Variants in GALNT18 observed in about 807,000 individuals in gnomAD.
The protein encoded by GALNT18 is GalNAc-transferase 18.
A neutral mutation model predicts 69.5 loss-of-function variants in GALNT18; 44 were observed. The ratio of observed to expected loss-of-function variants is 0.63; its 90% CI spans 0.50 to 0.81. GALNT18 has a LOEUF of 0.81. GALNT18 is among the 40% of genes least tolerant of loss of function. The probability of loss-of-function intolerance (pLI) is 0.00; values close to 1 mark genes in which losing one functional copy is unlikely to be tolerated. For synonymous variants in GALNT18, 364 were observed against 318.2 expected (o/e 1.14, Z -1.53); for missense variants, 715 against 810.0 (o/e 0.88, Z 1.42).
intron 3 of GALNT18, among the ~76,000 whole-genome samples, chr11:11,391,688 G>A (rs72856660): frequency 0.14 from 20,696 of 152,232 alleles, 1,490 homozygotes; most frequent in Middle Eastern, 0.18. Context: ...TAGGAAGAGG[G>A]GGCCAGGGTA....
At chr11:11,310,175 C>T (rs1009985433) in intron 9 of GALNT18, among the ~76,000 whole-genome samples, 2 of 152,140 alleles carry the variant, frequency 1.3e-5, no homozygotes, top group Non-Finnish European at 2.9e-5. Context: ...ATTCCACAAC[C>T]AAGGCACGCA....
chr11:11,590,375 C>A lies in GALNT18; in HGVS notation c.235+30984G>T, dbSNP rs1245297228. Among the ~76,000 whole-genome samples, 7 of 152,214 alleles carry A rather than the reference C, an allele frequency of 4.6e-5. No individual in the cohort carries two copies. Among genetic ancestry groups the A allele is most frequent in the Admixed American group, 4.6e-4 (7 of 15,286 alleles). On this transcript the variant is annotated intron_variant, in intron 1 of 10. Coordinates refer to ENST00000227756, the MANE Select transcript of GALNT18 (RefSeq NM_198516.3). This position sits in a 1 kb window ranked among gnomAD's most constrained non-coding sequence, Gnocchi z 4.4. The stretch of plus-strand genomic sequence containing the variant: ...GGATGGAAGGAAGGCTGCAGGCCCA[C>A]AAGGAACTTCCACATTGCTTGTTGG...
chr11:11,489,648 A>T (rs1272902378), intron 1 of GALNT18, among the ~76,000 whole-genome samples: 1 of 152,148 alleles, frequency 6.6e-6, no homozygotes, highest in Admixed American at 6.5e-5. Context: ...AATGTTCTTA[A>T]TTTCTCTGTG....
intron 1 of GALNT18, among the ~76,000 whole-genome samples, chr11:11,507,429 C>G (rs547991930): frequency 5.0e-4 from 76 of 152,268 alleles, no homozygotes; most frequent in African/African-American, 1.8e-3. Flanking sequence ...TTTTCCTCCT[C>G]CTTCTCTTCT....
intron 9 of GALNT18, among the ~76,000 whole-genome samples, chr11:11,293,717 T>C (rs1849348712): frequency 6.6e-6 from 1 of 152,014 alleles, no homozygotes; most frequent in Admixed American, 6.5e-5. Flanking sequence ...AATTTTTGTA[T>C]TTTTAGTAGA....
chr11:11,325,751 C>T (rs1590038554), intron 9 of GALNT18, among the ~76,000 whole-genome samples: 1 of 152,110 alleles, frequency 6.6e-6, no homozygotes, highest in East Asian at 1.9e-4. Flanking sequence ...ATTAAAAATG[C>T]CACACCATTG....
At chr11:11,335,050 T>C (rs4910321) in intron 7 of GALNT18, among the ~76,000 whole-genome samples, 137,063 of 152,246 alleles carry the variant, frequency 0.9, 62,085 homozygotes, top group East Asian at 1. Context: ...GTTATAATTG[T>C]CTTTATGTGA....
At chr11:11,407,366 G>A (rs956682758) in intron 3 of GALNT18, among the ~76,000 whole-genome samples, 2 of 152,184 alleles carry the variant, frequency 1.3e-5, no homozygotes, top group African/African-American at 4.8e-5. Flanking sequence ...TTCCCTTGAG[G>A]AAACAGACCA....
At chr11:11,513,484 C>A (rs2133916969) in intron 1 of GALNT18, among the ~76,000 whole-genome samples, 1 of 152,208 alleles carries the variant, frequency 6.6e-6, no homozygotes, top group East Asian at 1.9e-4. Flanking sequence ...CCTTCCACAT[C>A]CCACAAGAAG....
At position 11,494,638 on chromosome 11, in the gene GALNT18, C is replaced by T. The variant is rs563138245; in HGVS notation, c.236-45702G>A. Reference sequence around the variant, plus strand: ...GCTATCTGCCACACATGAATTTCTACACAGCCTCAGCCTTTTTTGCTTTTA... The same window carrying T: ...GCTATCTGCCACACATGAATTTCTATACAGCCTCAGCCTTTTTTGCTTTTA... On this transcript the variant is annotated intron_variant, in intron 1 of 10. Coordinates refer to ENST00000227756, the MANE Select transcript of GALNT18 (RefSeq NM_198516.3). This position sits in a 1 kb window ranked among gnomAD's most constrained non-coding sequence, Gnocchi z 5.7. 2.0e-5 allele frequency among the ~76,000 whole-genome samples: 3 copies of T among 152,340 alleles called. No individual in the cohort carries two copies. The highest frequency in any genetic ancestry group is 6.5e-5 in the Admixed American group (1 of 15,304).
At chr11:11,472,456 G>C (rs7941119) in intron 1 of GALNT18, among the ~76,000 whole-genome samples, 94,488 of 152,044 alleles carry the variant, frequency 0.62, 29,638 homozygotes, top group African/African-American at 0.68. Context: ...GAGGGAGGCA[G>C]AGAATACACT....
In GALNT18 at chr11:11,274,792, C is replaced by T. The variant is rs576836712; in HGVS notation, c.1678-3502G>A. Among the ~76,000 whole-genome samples the T allele has an allele frequency of 5.9e-5, 9 of 152,298 alleles. No individual in the cohort carries two copies. In the South Asian group the frequency reaches 1.5e-3, roughly 25 times the overall value. On this transcript the variant is annotated intron_variant, in intron 10 of 10. Coordinates refer to ENST00000227756, the MANE Select transcript of GALNT18 (RefSeq NM_198516.3). ...TCCAACTCCCACTTATGAGTGAGAA[C>T]ACGTGGTGTTTGGTTTTCTGTTCTT...
At chr11:11,498,643 C>A (rs897880697) in intron 1 of GALNT18, among the ~76,000 whole-genome samples, 6 of 152,050 alleles carry the variant, frequency 3.9e-5, no homozygotes, top group African/African-American at 7.2e-5. Flanking sequence ...TACTAAAATA[C>A]AAAAAATCAG....
chr11:11,274,191 A>G (rs1848887402), intron 10 of GALNT18, among the ~76,000 whole-genome samples: 1 of 152,224 alleles, frequency 6.6e-6, no homozygotes, highest in African/African-American at 2.4e-5. Flanking sequence ...TGCAACTGGC[A>G]GACCAGGACC....
Position 11,340,883 on chromosome 11 carries a change from A to G in GALNT18, c.1214T>C (p.Val405Ala). The G allele has an allele frequency of 6.2e-7, 1 of 1,613,930 alleles. No homozygotes were observed. Among genetic ancestry groups the G allele is most frequent in the South Asian group, 1.1e-5 (1 of 91,018 alleles). ...AAATTCATCCATCCAGACTTCAGCC[A>G]CCCTGAGAGCGTTCCTGCGGACATG... Reference protein sequence around the residue: ...TAHVRRNALRVAEVWMDEFKS... With the variant: ...TAHVRRNALRAAEVWMDEFKS... The change falls in exon 7 of 11, where the codon GTG becomes GCG. Residue 405 changes from valine to alanine, a missense_variant. Physicochemically the swap from Val to Ala is moderately conservative, Grantham distance 64 (BLOSUM62 0). Transcript: ENST00000227756. The surrounding 1 kb of genome is among the most constrained non-coding windows in gnomAD (Gnocchi z 4.2).
chr11:11,464,986 G>A (rs1181921933), intron 1 of GALNT18, among the ~76,000 whole-genome samples: 3 of 152,160 alleles, frequency 2.0e-5, no homozygotes, highest in Non-Finnish European at 4.4e-5. Context: ...AGCTGGGGAT[G>A]GAATTACGAG....
In GALNT18 at chr11:11,543,011, T is replaced by C. The variant is rs1251415374; in HGVS notation, c.235+78348A>G. Among the ~76,000 whole-genome samples, 2 of 152,144 alleles carry C rather than the reference T, an allele frequency of 1.3e-5. No individual in the cohort carries two copies. Among genetic ancestry groups the C allele is most frequent in the African/African-American group, 2.4e-5 (1 of 41,426 alleles). ...TACTGTGTGGAGAAAGAGTGAATGATATGACCTTCCTCAAGGTTGTTTCAG... is the reference window on the plus strand; with the variant it reads ...TACTGTGTGGAGAAAGAGTGAATGACATGACCTTCCTCAAGGTTGTTTCAG... On this transcript the variant is annotated intron_variant, in intron 1 of 10. Transcript: ENST00000227756. This position sits in a 1 kb window ranked among gnomAD's most constrained non-coding sequence, Gnocchi z 5.1.
Position 11,619,092 on chromosome 11 carries a change from G to A in GALNT18, c.235+2267C>T, listed in dbSNP as rs1590145086. Reference sequence around the variant, plus strand: ...CCCAGCATGGCAAAGGGAACTGTTGGTCATTGCTACACCATCATGGCACAG... The same window carrying A: ...CCCAGCATGGCAAAGGGAACTGTTGATCATTGCTACACCATCATGGCACAG... On this transcript the variant is annotated intron_variant, in intron 1 of 10. Coordinates refer to ENST00000227756, the MANE Select transcript of GALNT18 (RefSeq NM_198516.3). This position sits in a 1 kb window ranked among gnomAD's most constrained non-coding sequence, Gnocchi z 4.9. Among the ~76,000 whole-genome samples, 2 of 152,092 alleles carry A rather than the reference G, an allele frequency of 1.3e-5. No individual in the cohort carries two copies. Among genetic ancestry groups the A allele is most frequent in the Non-Finnish European group, 2.9e-5 (2 of 68,022 alleles).
At chr11:11,503,834 T>G (rs1354169935) in intron 1 of GALNT18, among the ~76,000 whole-genome samples, 1 of 152,148 alleles carries the variant, frequency 6.6e-6, no homozygotes, top group East Asian at 1.9e-4. Flanking sequence ...TCCGATGAAT[T>G]TTCTCAAGTT....
Sources: allele counts gnomAD v4.1 joint callset (sites outside exome capture counted in the v4.1 genomes callset), GRCh38; gene constraint gnomAD v4.1.1; non-coding constraint Gnocchi (gnomAD v3.1); transcripts MANE v1.5; gene names NCBI Gene and HGNC (gene_info 2026-07-23, HGNC 2026-07-21).